The following TRAPPC9 variants were observed in gnomAD, a reference collection of about 807,000 sequenced individuals.
TRAPPC9 encodes the protein trafficking protein particle complex subunit 9.
TRAPPC9 carries 83 observed loss-of-function variants against 124.0 expected under a neutral mutation model. The observed-to-expected ratio is 0.67, with a 90% CI of 0.56 to 0.80. The LOEUF is 0.80. TRAPPC9 is among the 30% of genes least tolerant of loss of function. The probability of loss-of-function intolerance (pLI) is 0.00; values close to 1 mark genes in which losing one functional copy is unlikely to be tolerated. For missense variants in TRAPPC9, 1,302 were observed against 1,508.3 expected (o/e 0.86, Z 2.27); for synonymous variants, 638 against 617.5 (o/e 1.03, Z -0.49).
intron 10 of TRAPPC9, among the ~76,000 whole-genome samples, chr8:140,305,493 G>C (rs1416455439): frequency 1.3e-5 from 2 of 152,088 alleles, no homozygotes; most frequent in Admixed American, 6.6e-5. Flanking sequence ...GAAGAGATGG[G>C]GTTCCGCTCT....
chr8:140,192,373 T>C (rs1285650824), intron 17 of TRAPPC9, among the ~76,000 whole-genome samples: 1 of 152,214 alleles, frequency 6.6e-6, no homozygotes, highest in African/African-American at 2.4e-5. Flanking sequence ...CACCTCAACG[T>C]AGGCAAAAGG....
intron 20 of TRAPPC9, among the ~76,000 whole-genome samples, chr8:139,892,871 C>T (rs1359655795): frequency 6.6e-6 from 1 of 152,192 alleles, no homozygotes; most frequent in East Asian, 1.9e-4. Context: ...GCTGTAGAAG[C>T]TGCACCATCA....
chr8:140,155,348 AG>A (rs2061610676), intron 17 of TRAPPC9, among the ~76,000 whole-genome samples: 1 of 152,182 alleles, frequency 6.6e-6, no homozygotes, highest in East Asian at 1.9e-4. Flanking sequence ...TGCGGGTGGT[AG>A]CTACGGGAAA....
At chr8:140,454,919 G>A (rs1378264281) in intron 1 of TRAPPC9, among the ~76,000 whole-genome samples, 1 of 146,596 alleles carries the variant, frequency 6.8e-6, no homozygotes, top group Non-Finnish European at 1.5e-5. Context: ...CAGCCTGGGT[G>A]ACAAAGTAAG....
intron 10 of TRAPPC9, among the ~76,000 whole-genome samples, chr8:140,306,583 G>A (rs190641530): frequency 2.7e-4 from 41 of 151,610 alleles, no homozygotes; most frequent in African/African-American, 9.7e-4. Context: ...CAAAAACTTA[G>A]AAGAAAGGCA....
At chr8:140,085,543 G>A (rs575066284) in intron 17 of TRAPPC9, among the ~76,000 whole-genome samples, 2 of 152,206 alleles carry the variant, frequency 1.3e-5, no homozygotes, top group Non-Finnish European at 2.9e-5. Flanking sequence ...CCGTCAGGCA[G>A]CCCGGCCTAA....
intron 20 of TRAPPC9, among the ~76,000 whole-genome samples, chr8:139,894,013 T>C (rs1434924087): frequency 6.6e-6 from 1 of 152,194 alleles, no homozygotes; most frequent in Non-Finnish European, 1.5e-5. Context: ...TGGCAACCGC[T>C]TGGCACCAGC....
chr8:140,031,722 T>G (rs1218874383), intron 17 of TRAPPC9, among the ~76,000 whole-genome samples: 1 of 152,230 alleles, frequency 6.6e-6, no homozygotes, highest in Non-Finnish European at 1.5e-5. Context: ...TCTTCAGTGT[T>G]AATGATGCCT....
At chr8:140,248,423 C>A (rs941932823) in intron 16 of TRAPPC9, among the ~76,000 whole-genome samples, 6 of 152,228 alleles carry the variant, frequency 3.9e-5, no homozygotes, top group African/African-American at 1.4e-4. Flanking sequence ...CCAATGAGTA[C>A]CTGCTGGCTG....
intron 17 of TRAPPC9, chr8:140,098,737 C>G (rs1345950290): frequency 1.3e-5 from 2 of 151,824 alleles, no homozygotes; most frequent in Non-Finnish European, 2.9e-5. Flanking sequence ...CCAGCTAGGT[C>G]TCAGTGCGCA....
intron 15 of TRAPPC9, among the ~76,000 whole-genome samples, chr8:140,274,517 T>G (rs950355300): frequency 2.6e-5 from 4 of 152,224 alleles, no homozygotes; most frequent in African/African-American, 9.6e-5. Context: ...CTTTACTTCC[T>G]ACAGACACAG....
At chr8:140,333,745 G>A (rs1034810732) in intron 9 of TRAPPC9, among the ~76,000 whole-genome samples, 6 of 152,118 alleles carry the variant, frequency 3.9e-5, no homozygotes, top group East Asian at 3.8e-4. Context: ...GTTTTACAAC[G>A]AAAAATCAGG....
intron 6 of TRAPPC9, among the ~76,000 whole-genome samples, chr8:140,400,897 T>C (rs2069242305): frequency 6.6e-6 from 1 of 152,230 alleles, no homozygotes; most frequent in South Asian, 2.1e-4. Flanking sequence ...CTAGCCATTC[T>C]GCATTTTTGT....
At chr8:140,407,043 G>A (rs1449346514) in intron 5 of TRAPPC9, among the ~76,000 whole-genome samples, 3 of 152,186 alleles carry the variant, frequency 2.0e-5, no homozygotes, top group East Asian at 1.9e-4. Context: ...GGGCAAAAGC[G>A]ACATTTTTTC....
chr8:139,809,315 C>T (rs1003740106), intron 21 of TRAPPC9, among the ~76,000 whole-genome samples: 3 of 151,860 alleles, frequency 2.0e-5, no homozygotes, highest in Non-Finnish European at 2.9e-5. Context: ...TAAGTGAGCA[C>T]GGGGAATGGG....
chr8:140,238,558 C>G (rs1220374238), intron 16 of TRAPPC9: 2 of 152,234 alleles, frequency 1.3e-5, no homozygotes, highest in Non-Finnish European at 2.9e-5. Context: ...GCTGGGCAGG[C>G]TGTCCGACGC....
At chr8:140,444,857 C>A (rs554009359) in intron 2 of TRAPPC9, among the ~76,000 whole-genome samples, 1 of 87,094 alleles carries the variant, frequency 1.1e-5, no homozygotes, top group Non-Finnish European at 2.4e-5. Context: ...GAGTGAAACT[C>A]CAATCTCAGG....
At chr8:139,738,440 G>T (rs1818342443) in intron 21 of TRAPPC9, among the ~76,000 whole-genome samples, 3 of 152,230 alleles carry the variant, frequency 2.0e-5, no homozygotes. Flanking sequence ...CCTGGAGAAA[G>T]GGAGAAGACC....
intron 20 of TRAPPC9, among the ~76,000 whole-genome samples, chr8:139,889,708 G>A (rs1004977946): frequency 8.5e-5 from 13 of 152,208 alleles, no homozygotes; most frequent in Admixed American, 6.5e-4. Flanking sequence ...AAGGAAGCCC[G>A]GAGGAAGCCA....
Sources: gnomAD v4.1 joint callset for allele counts (sites outside exome capture counted in the v4.1 genomes callset) on GRCh38, gnomAD v4.1.1 for gene constraint, MANE v1.5 for transcripts, NCBI Gene and HGNC (gene_info 2026-07-23, HGNC 2026-07-21) for gene names.